Variants in SND1 observed in about 807,000 individuals in gnomAD.
The protein encoded by SND1 is staphylococcal nuclease and tudor domain containing 1.
A neutral mutation model predicts 121.7 loss-of-function variants in SND1; 38 were observed. The observed-to-expected ratio is 0.31, with a 90% confidence interval of 0.24 to 0.41. The LOEUF is 0.41. SND1 is among the 10% of genes least tolerant of loss of function. SND1 has a pLI of 1.00. For synonymous variants in SND1, 401 were observed against 447.4 expected (o/e 0.90, Z 1.31); for missense variants, 868 against 1,184.6 (o/e 0.73, Z 3.92).
At chr7:128,012,833 C>G (rs1352001961) in intron 16 of SND1, among the ~76,000 whole-genome samples, 1 of 152,136 alleles carries the variant, frequency 6.6e-6, no homozygotes, top group Non-Finnish European at 1.5e-5. Context: ...TGATTTACAC[C>G]TAAACATTAA....
chr7:128,077,062 T>C (rs1437283403), intron 17 of SND1, among the ~76,000 whole-genome samples: 1 of 152,148 alleles, frequency 6.6e-6, no homozygotes, highest in East Asian at 1.9e-4. Context: ...TAACCCCATC[T>C]CACACACGTG....
intron 15 of SND1, among the ~76,000 whole-genome samples, chr7:127,937,840 T>C (rs1392099462): frequency 6.6e-6 from 1 of 152,228 alleles, no homozygotes; most frequent in Non-Finnish European, 1.5e-5. Flanking sequence ...CCTAACTAAA[T>C]TACACAATTA....
Position 127,717,357 on chromosome 7 carries a change from C to CT in SND1, c.1039-3921dup, listed in dbSNP as rs528626869. Reference sequence around the variant, plus strand: ...CTTTTGGATATGCCAGTGTCTCAGACTTTTTTTTTGTTTTGGATGACTTTG... The same window carrying CT: ...CTTTTGGATATGCCAGTGTCTCAGACTTTTTTTTTTGTTTTGGATGACTTTG... On this transcript the variant is annotated intron_variant, in intron 9 of 23. Transcript: ENST00000354725. Among the ~76,000 whole-genome samples, 62 of 151,742 alleles carry CT rather than the reference C, an allele frequency of 4.1e-4. 1 individual carries two copies. Among genetic ancestry groups the CT allele is most frequent in the Middle Eastern group, 3.4e-3 (1 of 294 alleles).
At chr7:127,703,372 G>A (rs755778055) in intron 7 of SND1, 49 bp downstream of exon 7, 2 of 1,594,176 alleles carry the variant, frequency 1.3e-6, no homozygotes, top group Admixed American at 3.4e-5. Flanking sequence ...GGATGCATTT[G>A]GGGTTTGAAG....
chr7:128,091,569 C>T (rs1414839915), intron 22 of SND1, among the ~76,000 whole-genome samples: 1 of 152,132 alleles, frequency 6.6e-6, no homozygotes, highest in Non-Finnish European at 1.5e-5. Context: ...TACTTTATCA[C>T]AGACTGAAGC....
At chr7:128,080,577 G>T (rs972791876) in intron 17 of SND1, among the ~76,000 whole-genome samples, 3 of 152,232 alleles carry the variant, frequency 2.0e-5, no homozygotes, top group Non-Finnish European at 4.4e-5. Flanking sequence ...AGGAGGTCCT[G>T]CAGAATTCAG....
chr7:127,680,944 A>C (rs1795714207), intron 1 of SND1, among the ~76,000 whole-genome samples: 1 of 152,174 alleles, frequency 6.6e-6, no homozygotes, highest in South Asian at 2.1e-4. Flanking sequence ...ATAAATGTCC[A>C]TGAAATCTTC....
At chr7:127,911,474 T>C (rs1051287527) in intron 14 of SND1, among the ~76,000 whole-genome samples, 5 of 151,490 alleles carry the variant, frequency 3.3e-5, no homozygotes, top group Non-Finnish European at 7.4e-5. Flanking sequence ...CCTTCCAAAG[T>C]GCTGGGATTG....
At chr7:127,953,275 A>C (rs903293974) in intron 15 of SND1, among the ~76,000 whole-genome samples, 20 of 150,210 alleles carry the variant, frequency 1.3e-4, no homozygotes, top group African/African-American at 4.9e-4. Context: ...CTCGCCTGCC[A>C]ACATCAAGAT....
At chr7:127,841,404 C>T (rs899950862) in intron 11 of SND1, among the ~76,000 whole-genome samples, 3 of 152,148 alleles carry the variant, frequency 2.0e-5, no homozygotes, top group South Asian at 2.1e-4. Context: ...AACTTCCCAG[C>T]GAATGCCCCC....
chr7:128,013,201 A>G (rs182225885), intron 16 of SND1, among the ~76,000 whole-genome samples: 1 of 152,228 alleles, frequency 6.6e-6, no homozygotes, highest in East Asian at 1.9e-4. Context: ...GGACAGGAGG[A>G]GGCAGGGGCT....
At chr7:127,731,569 T>G (rs943288650) in intron 10 of SND1, among the ~76,000 whole-genome samples, 11 of 152,138 alleles carry the variant, frequency 7.2e-5, no homozygotes, top group Non-Finnish European at 1.5e-4. Flanking sequence ...TGGCTTTACC[T>G]TCCTTCCCTC....
chr7:127,954,159 CT>C (rs1801538014), intron 15 of SND1, among the ~76,000 whole-genome samples: 1 of 152,158 alleles, frequency 6.6e-6, no homozygotes, highest in South Asian at 2.1e-4. Flanking sequence ...GCTTTCCTTC[CT>C]TCCCCCCTTA....
chr7:127,763,926 G>T (rs989590037), intron 10 of SND1, among the ~76,000 whole-genome samples: 2 of 151,410 alleles, frequency 1.3e-5, no homozygotes, highest in Non-Finnish European at 2.9e-5. Context: ...AAATCAGCTG[G>T]ATGTGATGGT....
Position 128,029,494 on chromosome 7 carries a change from T to C in SND1, c.1779+38438T>C. On this transcript the variant is annotated intron_variant, in intron 16 of 23. Coordinates refer to ENST00000354725, the MANE Select transcript of SND1 (RefSeq NM_014390.4). This position sits in a 1 kb window ranked among gnomAD's most constrained non-coding sequence, Gnocchi z 4.2. The stretch of plus-strand genomic sequence containing the variant: ...ACTGTCCCATTGGGCAGCAACCACT[T>C]CACGGAGGACATAGGGGGAGTCCGA... The C allele has an allele frequency of 6.2e-7, 1 of 1,614,064 alleles. No homozygotes were observed. Among genetic ancestry groups the C allele is most frequent in the Non-Finnish European group, 8.5e-7 (1 of 1,179,992 alleles).
chr7:127,931,906 A>AT (rs1800962470), intron 15 of SND1, among the ~76,000 whole-genome samples: 1 of 152,186 alleles, frequency 6.6e-6, no homozygotes, highest in South Asian at 2.1e-4. Context: ...AAAAAAAAAG[A>AT]TTTTTTTGCA....
intron 1 of SND1, among the ~76,000 whole-genome samples, chr7:127,675,059 C>T (rs1795592460): frequency 6.6e-6 from 1 of 152,042 alleles, no homozygotes; most frequent in East Asian, 1.9e-4. Context: ...AAATTAGCTG[C>T]ACTTGGTGGC....
At chr7:127,918,907 A>G (rs114505046) in intron 14 of SND1, among the ~76,000 whole-genome samples, 3,067 of 152,282 alleles carry the variant, frequency 0.02, 115 homozygotes, top group African/African-American at 0.069. Flanking sequence ...AATTGGATGC[A>G]TTTGTTGTTC....
At chr7:127,894,021 G>A (rs970485938) in intron 13 of SND1, among the ~76,000 whole-genome samples, 1 of 152,042 alleles carries the variant, frequency 6.6e-6, no homozygotes, top group African/African-American at 2.4e-5. Flanking sequence ...GTTTGAACCT[G>A]TAGGAAATCT....
Sources: allele counts gnomAD v4.1 joint callset (sites outside exome capture counted in the v4.1 genomes callset), GRCh38; gene constraint gnomAD v4.1.1; non-coding constraint Gnocchi (gnomAD v3.1); transcripts MANE v1.5; gene names NCBI Gene and HGNC (gene_info 2026-07-23, HGNC 2026-07-21).